Variants in GSE1 observed in about 807,000 individuals in gnomAD.
GSE1 encodes Gse1 coiled-coil protein, also known as genetic suppressor element 1.
In GSE1, 32 loss-of-function variants were observed where a neutral mutation model predicts 112.6. The observed-to-expected ratio is 0.28, with a 90% CI of 0.21 to 0.38. GSE1 has a LOEUF of 0.38. Ranked by LOEUF, GSE1 falls within the 10% of genes least tolerant of loss-of-function variation. The probability of loss-of-function intolerance (pLI) is 1.00; values close to 1 mark genes in which losing one functional copy is unlikely to be tolerated. For synonymous variants in GSE1, 1,115 were observed against 735.6 expected (o/e 1.52, Z -8.35); for missense variants, 2,348 against 1,699.2 (o/e 1.38, Z -6.71).
At chr16:85,456,763 C>T (rs1189427819) in intron 2 of GSE1, among the ~76,000 whole-genome samples, 2 of 152,022 alleles carry the variant, frequency 1.3e-5, no homozygotes, top group African/African-American at 4.8e-5. Context: ...GAGAGGCCCG[C>T]TAGGAGGCTG....
chr16:85,670,182 A>C (rs1284715943), intron 14 of GSE1, among the ~76,000 whole-genome samples: 2 of 152,210 alleles, frequency 1.3e-5, no homozygotes, highest in African/African-American at 4.8e-5. Flanking sequence ...GTTGCCTGTG[A>C]TTATTCCTTA....
intron 1 of GSE1, among the ~76,000 whole-genome samples, chr16:85,339,604 G>T (rs1008587799): frequency 6.7e-6 from 1 of 149,486 alleles, no homozygotes; most frequent in East Asian, 2.0e-4. Context: ...ATTTCTTTCC[G>T]TGGATGTGCG....
At chr16:85,421,984 T>G (rs1182757516) in intron 2 of GSE1, among the ~76,000 whole-genome samples, 1 of 152,114 alleles carries the variant, frequency 6.6e-6, no homozygotes, top group African/African-American at 2.4e-5. Context: ...GGTGTGATCA[T>G]TGTCTTTCCG....
rs776736483 is a variant in GSE1 at position 85,633,996 on chromosome 16, C to T, written c.90C>T (p.Thr30=). 1.2e-6 allele frequency: 2 copies of T among 1,612,994 alleles called. No individual in the cohort carries two copies. Among genetic ancestry groups the T allele is most frequent in the Admixed American group, 3.3e-5 (2 of 59,986 alleles). ...CCACCGCCACCGTCAACCCCCTCAC[C>T]CCCTCGCCGCTCAATGGCGCCCTGG... ...TRTTATVNPL[T]PSPLNGALVP... is the part of the protein sequence containing the mutation. The change falls in exon 2 of 16, where the codon ACC becomes ACT. Residue 30 remains threonine, a synonymous_variant. Coordinates refer to ENST00000253458, the MANE Select transcript of GSE1 (RefSeq NM_014615.5).
intron 1 of GSE1, among the ~76,000 whole-genome samples, chr16:85,327,551 T>G (rs181995641): frequency 1.4e-3 from 220 of 152,226 alleles, no homozygotes; most frequent in African/African-American, 5.0e-3. Context: ...TGCAGTGAGC[T>G]GAGATCGCAC....
At chr16:85,644,597 A>G (rs755667994) in intron 2 of GSE1, among the ~76,000 whole-genome samples, 1 of 152,138 alleles carries the variant, frequency 6.6e-6, no homozygotes, top group Admixed American at 6.5e-5. Context: ...CTTGATGTGA[A>G]GTCTCCGGAA....
chr16:85,435,289 A>T, intron 2 of GSE1, among the ~76,000 whole-genome samples: 1 of 151,918 alleles, frequency 6.6e-6, no homozygotes, highest in East Asian at 1.9e-4. Context: ...CTAGAGATGG[A>T]GACCTGTGCC....
At chr16:85,570,447 A>G (rs979915075) in intron 1 of GSE1, among the ~76,000 whole-genome samples, 3 of 152,204 alleles carry the variant, frequency 2.0e-5, no homozygotes, top group African/African-American at 7.2e-5. Context: ...AAGTCGTGGC[A>G]CTTGATCCCA....
At chr16:85,415,435 TC>T (rs1597684468) in intron 2 of GSE1, among the ~76,000 whole-genome samples, 1 of 152,170 alleles carries the variant, frequency 6.6e-6, no homozygotes, top group Non-Finnish European at 1.5e-5. Flanking sequence ...GCTGAGGGCG[TC>T]CTGGGGTTTG....
chr16:85,612,070 G>A (rs2048020517), upstream of GSE1, among the ~76,000 whole-genome samples: 1 of 152,068 alleles, frequency 6.6e-6, no homozygotes, highest in African/African-American at 2.4e-5. Flanking sequence ...CGCTAGATCA[G>A]AGGGGTGTTG....
At chr16:85,492,051 C>T (rs2051026724) in intron 2 of GSE1, among the ~76,000 whole-genome samples, 1 of 152,210 alleles carries the variant, frequency 6.6e-6, no homozygotes, top group East Asian at 1.9e-4. Flanking sequence ...TGGACACGGG[C>T]AGCCAGGCCT....
At chr16:85,246,386 C>T (rs1251235702) in intron 1 of GSE1, among the ~76,000 whole-genome samples, 1 of 130,138 alleles carries the variant, frequency 7.7e-6, no homozygotes, top group Non-Finnish European at 1.6e-5. Flanking sequence ...TGTCTACACA[C>T]ACACCCCACA....
At chr16:85,220,809 G>A (rs185173289) in intron 1 of GSE1, among the ~76,000 whole-genome samples, 326 of 152,174 alleles carry the variant, frequency 2.1e-3, no homozygotes, top group African/African-American at 7.4e-3. Flanking sequence ...CTCTCAGTAT[G>A]TGTCTCTGTC....
At chr16:85,553,794 T>A (rs1325303123), upstream of GSE1, among the ~76,000 whole-genome samples, 6 of 152,270 alleles carry the variant, frequency 3.9e-5, no homozygotes, top group East Asian at 9.7e-4. Context: ...CACTCCCCCA[T>A]CTCCTCCAAT....
At chr16:85,368,033 T>C (rs572640753) in intron 2 of GSE1, among the ~76,000 whole-genome samples, 1 of 152,116 alleles carries the variant, frequency 6.6e-6, no homozygotes, top group East Asian at 1.9e-4. Context: ...TTTGTATTTT[T>C]AGTAGAGACG....
intron 1 of GSE1, among the ~76,000 whole-genome samples, chr16:85,288,913 A>G (rs937705015): frequency 4.6e-5 from 7 of 152,146 alleles, no homozygotes; most frequent in African/African-American, 9.7e-5. Flanking sequence ...CCTGGGCTCT[A>G]TGGGCCTGAG....
At position 85,633,993 on chromosome 16, in the gene GSE1, C is replaced by T; in HGVS notation, c.87C>T (p.Leu29=). 1 of 1,613,076 alleles carries T rather than the reference C, an allele frequency of 6.2e-7. No homozygotes were observed. The highest frequency in any genetic ancestry group is 8.5e-7 in the Non-Finnish European group (1 of 1,179,732). ...ATRTTATVNP[L]TPSPLNGALV... ...GGACCACCGCCACCGTCAACCCCCT[C>T]ACCCCCTCGCCGCTCAATGGCGCCC... The change falls in exon 2 of 16, where the codon CTC becomes CTT. Residue 29 remains leucine, a synonymous_variant. Coordinates refer to ENST00000253458, the MANE Select transcript of GSE1 (RefSeq NM_014615.5).
intron 1 of GSE1, among the ~76,000 whole-genome samples, chr16:85,600,487 G>A (rs778427741): frequency 6.6e-6 from 1 of 152,034 alleles, no homozygotes; most frequent in Non-Finnish European, 1.5e-5. Flanking sequence ...GGCTAGTGTT[G>A]AGAGGCAGTG....
intron 2 of GSE1, among the ~76,000 whole-genome samples, chr16:85,637,336 G>T (rs2050085125): frequency 6.6e-6 from 1 of 152,220 alleles, no homozygotes. Context: ...AGCCCTTCCT[G>T]CTTCTCGTGG....
Sources: gnomAD v4.1 joint callset for allele counts (sites outside exome capture counted in the v4.1 genomes callset) on GRCh38, gnomAD v4.1.1 for gene constraint, MANE v1.5 for transcripts, NCBI Gene and HGNC (gene_info 2026-07-23, HGNC 2026-07-21) for gene names.